The following EFCAB12 variants were observed in gnomAD, a reference collection of about 807,000 sequenced individuals.
EFCAB12 encodes the protein EF-hand calcium binding domain 12.
Under a neutral mutation model 53.6 loss-of-function variants are expected in EFCAB12, and 43 were observed. That is an observed-to-expected ratio of 0.80 (90% CI 0.63 to 1.03). The LOEUF (loss-of-function observed/expected upper bound fraction) is 1.03. Among genes scored for constraint, EFCAB12 ranks in the 50% least tolerant of loss-of-function variants. EFCAB12 has a pLI of 0.00. For synonymous variants in EFCAB12, 269 were observed against 289.2 expected, an observed-to-expected ratio of 0.93 and a Z score of 0.71; for missense variants, 646 against 730.6, an observed-to-expected ratio of 0.88 and a Z score of 1.34.
At chr3:129,413,606 G>A (rs1489171839) in intron 4 of EFCAB12, 1 of 152,022 alleles carries the variant, frequency 6.6e-6, no homozygotes, top group Non-Finnish European at 1.5e-5. Context: ...AGCAGTCCAA[G>A]CCTCTGATAA....
intron 6 of EFCAB12, among the ~76,000 whole-genome samples, chr3:129,405,020 C>T (rs918043170): frequency 1.4e-4 from 22 of 152,090 alleles, no homozygotes; most frequent in Non-Finnish European, 2.6e-4. Context: ...TGTTATGATA[C>T]CCAGGCTGGT....
At chr3:129,406,388 C>A (rs7647218) in intron 6 of EFCAB12, among the ~76,000 whole-genome samples, 18,189 of 152,226 alleles carry the variant, frequency 0.12, 1,314 homozygotes, top group African/African-American at 0.2. Context: ...TGACCACATT[C>A]CCCTGTATAC....
chr3:129,415,361 A>G lies in EFCAB12; in HGVS notation c.722T>C (p.Val241Ala). ...CTTCCCAAGAGAGCTGAGGTAGATC[A>G]CTATATCCTCCACCTCTTGGTTCTT... is the stretch of plus-strand genomic sequence containing the variant. ...PLKNQEVEDIVIYLSSLGKHN... is the reference protein window; with the variant it reads ...PLKNQEVEDIAIYLSSLGKHN... The change falls in exon 4 of 9, where the codon GTG (valine) becomes GCG (alanine). Residue 241 changes from valine (V) to alanine (A), a missense_variant. Val to Ala is a moderately conservative substitution (Grantham distance 64). Coordinates refer to ENST00000505956, the MANE Select transcript of EFCAB12 (RefSeq NM_207307.3). 6.2e-7 allele frequency: 1 copy of G among 1,613,816 alleles called. No homozygotes were observed. The highest frequency in any genetic ancestry group is 8.5e-7 in the Non-Finnish European group (1 of 1,179,864).
chr3:129,417,965 T>C (rs13319818), intron 3 of EFCAB12, among the ~76,000 whole-genome samples: 9,756 of 152,258 alleles, frequency 0.064, 951 homozygotes, highest in East Asian at 0.44. Flanking sequence ...ACAGGGATTC[T>C]CCAAGGTAGC....
intron 5 of EFCAB12, among the ~76,000 whole-genome samples, chr3:129,409,215 C>T (rs1328540299): frequency 2.6e-5 from 4 of 152,198 alleles, no homozygotes; most frequent in African/African-American, 4.8e-5. Flanking sequence ...TTCGGGAGGC[C>T]GAGGCAGGAG....
At chr3:129,425,721 T>A (rs1010041671) in intron 1 of EFCAB12, among the ~76,000 whole-genome samples, 3 of 152,166 alleles carry the variant, frequency 2.0e-5, no homozygotes, top group African/African-American at 7.2e-5. Context: ...ATTGTGTAGT[T>A]ATGGGTAGAG....
chr3:129,416,085 G>C (rs1484842324), intron 3 of EFCAB12, among the ~76,000 whole-genome samples: 1 of 152,186 alleles, frequency 6.6e-6, no homozygotes, highest in Non-Finnish European at 1.5e-5. Flanking sequence ...GCCTAGCCTT[G>C]ATCAGAACTA....
At position 129,428,400 on chromosome 3, in the gene EFCAB12, C is replaced by G. The variant is rs1311392902; in HGVS notation, c.49+40G>C. The G allele has an allele frequency of 3.2e-6, 5 of 1,580,948 alleles. No homozygotes were observed. The South Asian group carries it at 5.8e-5, about 18-fold the overall frequency. On this transcript the variant is annotated intron_variant, in intron 1 of 8. Coordinates refer to ENST00000505956, the MANE Select transcript of EFCAB12 (RefSeq NM_207307.3). ...ACCCCACTTTCACGCGTCCTTAGGGCGCTGAGCGCTCCCTGCAGACGCTTC... is the reference window on the plus strand; with the variant it reads ...ACCCCACTTTCACGCGTCCTTAGGGGGCTGAGCGCTCCCTGCAGACGCTTC...
Position 129,411,313 on chromosome 3 carries a change from G to A in EFCAB12, c.880C>T (p.Leu294Phe), listed in dbSNP as rs1229418736. Residue 294 changes from leucine to phenylalanine, a missense_variant, in exon 5 of 9, where the codon CTC (leucine) becomes TTC (phenylalanine). By Grantham distance (22) the Leu-to-Phe change is conservative. Coordinates refer to ENST00000505956, the MANE Select transcript of EFCAB12 (RefSeq NM_207307.3). The part of the protein sequence containing the change: ...AKHRDSLKGP[L>F]KKQEVDSAPQ... The stretch of plus-strand genomic sequence containing the variant: ...GCTGAATCCACCTCCTGCTTCTTGA[G>A]CGGACCCTTCAGGGAATCTCTGTGC... The A allele has an allele frequency of 6.2e-7, 1 of 1,606,976 alleles. No individual in the cohort carries two copies. Among genetic ancestry groups the A allele is most frequent in the Admixed American group, 1.7e-5 (1 of 59,386 alleles).
rs116718344 is a variant in EFCAB12, at chr3:129,423,456, A to G, written c.50-1653T>C. Among the ~76,000 whole-genome samples the G allele has an allele frequency of 2.9e-3, 436 of 151,748 alleles. 6 individuals carry two copies. Among genetic ancestry groups the G allele is most frequent in the African/African-American group, 8.5e-3 (352 of 41,350 alleles). On this transcript the variant is annotated intron_variant, in intron 1 of 8. Coordinates refer to ENST00000505956, the MANE Select transcript of EFCAB12 (RefSeq NM_207307.3). ...AGCCTGGGCAAAATAGTGAGACCTC[A>G]TCTATACAAAAAAATTTAAAAACTA...
chr3:129,404,287 G>C lies in EFCAB12; in HGVS notation c.1366C>G (p.Arg456Gly), dbSNP rs375181914. 1.9e-6 allele frequency: 3 copies of C among 1,613,834 alleles called. No individual in the cohort carries two copies. In the South Asian group the frequency reaches 3.3e-5, roughly 18 times the overall value. The change falls in exon 7 of 9, where the codon CGG (arginine) becomes GGG (glycine). Residue 456 changes from arginine to glycine, a missense_variant. By Grantham distance (125) the Arg-to-Gly change is moderately radical. Coordinates refer to ENST00000505956, the MANE Select transcript of EFCAB12 (RefSeq NM_207307.3). ...TTAGACTTGCCAGGGCCCTGGGACC[G>C]GAGCAGAGCCAGATTCGGAGAAAAG... is the stretch of plus-strand genomic sequence containing the variant. ...KVFSPNLALL[R>G]SQGPGKSKRT...
At chr3:129,415,034 T>C in intron 4 of EFCAB12, 1 of 487,272 alleles carries the variant, frequency 2.1e-6, no homozygotes, top group Non-Finnish European at 3.5e-6. Flanking sequence ...TGTCTTTGAA[T>C]GGACACAGTG....
chr3:129,418,283 T>A lies in EFCAB12; in HGVS notation c.652A>T (p.Arg218Trp). 6.2e-7 allele frequency: 1 copy of A among 1,612,872 alleles called. No homozygotes were observed. ...TTTACAGCCGCGATGAACTCCTCCC[T>A]GGTGATTCTCTGGTTCTCACCCTGG... ...VGQGENQRIT[R>W]EEFIAAVKAV... Residue 218 changes from arginine to tryptophan, a missense_variant, in exon 3 of 9, where the codon AGG (arginine) becomes TGG (tryptophan). By Grantham distance (101) the Arg-to-Trp change is moderately radical. Transcript: ENST00000505956.
intron 4 of EFCAB12, chr3:129,413,114 C>T (rs951668481): frequency 1.3e-5 from 2 of 152,208 alleles, no homozygotes; most frequent in Non-Finnish European, 2.9e-5. Context: ...GATCATTCTG[C>T]AAGAATGAAG....
chr3:129,417,329 A>AC (rs1559789737), intron 3 of EFCAB12, among the ~76,000 whole-genome samples: 51 of 135,898 alleles, frequency 3.8e-4, no homozygotes, highest in African/African-American at 1.3e-3. Context: ...GCCTCAAAAA[A>AC]AAAAAAAAAA....
intron 1 of EFCAB12, among the ~76,000 whole-genome samples, chr3:129,422,103 T>A (rs1277958880): frequency 6.6e-6 from 1 of 152,178 alleles, no homozygotes. Context: ...TCTGATCTTG[T>A]GTGATCATCT....
chr3:129,425,836 G>A (rs1318793720), intron 1 of EFCAB12, among the ~76,000 whole-genome samples: 1 of 152,236 alleles, frequency 6.6e-6, no homozygotes, highest in Non-Finnish European at 1.5e-5. Context: ...GCCACTGGCA[G>A]ACTTTGCCTC....
At chr3:129,418,959 G>A (rs9826561) in intron 2 of EFCAB12, among the ~76,000 whole-genome samples, 9,732 of 152,162 alleles carry the variant, frequency 0.064, 947 homozygotes, top group East Asian at 0.44. Flanking sequence ...GCAGCACTGG[G>A]CAGTTTACAA....
At chr3:129,425,778 C>T (rs1167388531) in intron 1 of EFCAB12, among the ~76,000 whole-genome samples, 2 of 152,220 alleles carry the variant, frequency 1.3e-5, no homozygotes, top group East Asian at 1.9e-4. Flanking sequence ...AGCTCTCAGA[C>T]GCCAGCTAGT....
Sources: gnomAD v4.1 joint callset for allele counts (sites outside exome capture counted in the v4.1 genomes callset) on GRCh38, gnomAD v4.1.1 for gene constraint, MANE v1.5 for transcripts, NCBI Gene and HGNC (gene_info 2026-07-23, HGNC 2026-07-21) for gene names.